RPRD1A: variants seen among roughly 807,000 people sequenced by gnomAD.
The protein encoded by RPRD1A is regulation of nuclear pre-mRNA domain containing 1A, also known as regulation of nuclear pre-mRNA domain-containing protein 1A.
A neutral mutation model predicts 37.8 loss-of-function variants in RPRD1A; 9 were observed. The observed-to-expected ratio is 0.24, with a 90% CI of 0.14 to 0.42. The LOEUF is 0.42. RPRD1A is among the 10% of genes least tolerant of loss of function. RPRD1A has a pLI of 1.00. For missense variants in RPRD1A, 255 were observed against 371.0 expected (o/e 0.69, Z 2.57); for synonymous variants, 138 against 139.7 (o/e 0.99, Z 0.08).
At chr18:36,020,829 G>A (rs1020157881) in intron 6 of RPRD1A, among the ~76,000 whole-genome samples, 1 of 151,206 alleles carries the variant, frequency 6.6e-6, no homozygotes, top group Non-Finnish European at 1.5e-5. Flanking sequence ...AAAAAAAAAA[G>A]TAACAGAGAA....
chr18:36,023,654 T>C (rs1436004335), intron 6 of RPRD1A, among the ~76,000 whole-genome samples: 1 of 152,208 alleles, frequency 6.6e-6, no homozygotes, highest in Non-Finnish European at 1.5e-5. Flanking sequence ...AGTCAACTGA[T>C]GCAGCAAACT....
At chr18:35,997,796 G>C (rs1022062423) in intron 6 of RPRD1A, among the ~76,000 whole-genome samples, 1 of 152,066 alleles carries the variant, frequency 6.6e-6, no homozygotes, top group Non-Finnish European at 1.5e-5. Context: ...GTACCCATCC[G>C]TGTAACCAAC....
At chr18:36,037,355 A>C (rs1256051562) in intron 1 of RPRD1A, among the ~76,000 whole-genome samples, 1 of 152,146 alleles carries the variant, frequency 6.6e-6, no homozygotes, top group Non-Finnish European at 1.5e-5. Context: ...GGTTTCATAA[A>C]GAGCTTTCCC....
intron 1 of RPRD1A, among the ~76,000 whole-genome samples, chr18:36,062,323 CAAAAAAAAAAA>C (rs752980996): frequency 4.2e-4 from 17 of 40,632 alleles, no homozygotes; most frequent in Admixed American, 1.1e-3. Flanking sequence ...GACTCCGTCT[CAAAAAAAAAAA>C]AAAAAAAAAA....
chr18:36,052,091 A>G (rs1245176352), intron 1 of RPRD1A, among the ~76,000 whole-genome samples: 4 of 151,940 alleles, frequency 2.6e-5, no homozygotes, highest in African/African-American at 9.7e-5. Context: ...GTAAGATTAA[A>G]ACCCAATTTC....
At chr18:36,053,209 T>G (rs1200948854) in intron 1 of RPRD1A, among the ~76,000 whole-genome samples, 3 of 152,164 alleles carry the variant, frequency 2.0e-5, no homozygotes, top group Admixed American at 2.0e-4. Flanking sequence ...ATTTAACCAC[T>G]TTAAAGCATA....
chr18:36,014,175 T>C (rs1254917149), intron 6 of RPRD1A, among the ~76,000 whole-genome samples: 1 of 152,168 alleles, frequency 6.6e-6, no homozygotes, highest in East Asian at 1.9e-4. Context: ...GTGTCATAAA[T>C]ATTAAAAATA....
At chr18:36,000,668 A>G (rs115509443) in intron 6 of RPRD1A, among the ~76,000 whole-genome samples, 1,781 of 152,286 alleles carry the variant, frequency 0.012, 43 homozygotes, top group African/African-American at 0.04. Flanking sequence ...TCTGCTTACT[A>G]TATGCCAAAC....
At chr18:36,017,381 T>C (rs540607940) in intron 6 of RPRD1A, among the ~76,000 whole-genome samples, 12 of 152,264 alleles carry the variant, frequency 7.9e-5, no homozygotes, top group African/African-American at 2.4e-4. Context: ...TCTAATTAAG[T>C]TGCATCTGGT....
At chr18:36,037,578 G>A (rs1296719513) in intron 1 of RPRD1A, among the ~76,000 whole-genome samples, 4 of 152,224 alleles carry the variant, frequency 2.6e-5, no homozygotes, top group African/African-American at 9.6e-5. Context: ...AAGTAGTGGG[G>A]CACTGCTGTA....
At chr18:36,020,440 C>CT (rs1466676024) in intron 6 of RPRD1A, among the ~76,000 whole-genome samples, 3 of 152,090 alleles carry the variant, frequency 2.0e-5, no homozygotes, top group Admixed American at 2.0e-4. Context: ...GGACAGAAGG[C>CT]TTATAGATAA....
At chr18:36,009,401 CAA>C (rs1910028088) in intron 6 of RPRD1A, among the ~76,000 whole-genome samples, 3 of 152,312 alleles carry the variant, frequency 2.0e-5, no homozygotes, top group East Asian at 1.9e-4. Flanking sequence ...CATTCCACTG[CAA>C]TGGAGTCACT....
At chr18:36,037,285 T>G (rs1912258695) in intron 1 of RPRD1A, among the ~76,000 whole-genome samples, 1 of 152,074 alleles carries the variant, frequency 6.6e-6, no homozygotes, top group Non-Finnish European at 1.5e-5. Context: ...TAACTGATCA[T>G]GGGGGCAGCT....
At chr18:36,052,158 GA>G (rs58995301) in intron 1 of RPRD1A, among the ~76,000 whole-genome samples, 1 of 143,824 alleles carries the variant, frequency 7.0e-6, no homozygotes, top group African/African-American at 2.6e-5. Flanking sequence ...CATCCTAACA[GA>G]AAAAAAAAAA....
intron 6 of RPRD1A, among the ~76,000 whole-genome samples, chr18:35,998,517 T>C (rs1909229813): frequency 6.6e-6 from 1 of 152,174 alleles, no homozygotes; most frequent in South Asian, 2.1e-4. Flanking sequence ...AAGGCCCACC[T>C]TTCTGTCCTT....
chr18:36,017,052 T>A (rs1328051560), intron 6 of RPRD1A, among the ~76,000 whole-genome samples: 2 of 151,240 alleles, frequency 1.3e-5, no homozygotes, highest in Non-Finnish European at 2.9e-5. Flanking sequence ...ACACCTGTAA[T>A]CCCAACACTC....
At chr18:36,066,708 A>G (rs1270164542) in intron 1 of RPRD1A, among the ~76,000 whole-genome samples, 1 of 152,248 alleles carries the variant, frequency 6.6e-6, no homozygotes, top group Non-Finnish European at 1.5e-5. Flanking sequence ...GGCATCTGCA[A>G]CGCAGAAGTT....
chr18:36,031,319 C>T (rs1440484310), intron 2 of RPRD1A, among the ~76,000 whole-genome samples: 1 of 151,784 alleles, frequency 6.6e-6, no homozygotes, highest in East Asian at 1.9e-4. Flanking sequence ...TATTATTACA[C>T]AACCAAAAAA....
intron 2 of RPRD1A, among the ~76,000 whole-genome samples, chr18:36,033,299 C>CAAAAAAAA (rs71166085): frequency 2.6e-5 from 2 of 75,940 alleles, no homozygotes; most frequent in African/African-American, 5.8e-5. Flanking sequence ...GACTCTGTCT[C>CAAAAAAAA]AAAAAAAAAA....
Sources: allele counts gnomAD v4.1 joint callset (sites outside exome capture counted in the v4.1 genomes callset), GRCh38; gene constraint gnomAD v4.1.1; transcripts MANE v1.5; gene names NCBI Gene and HGNC (gene_info 2026-07-23, HGNC 2026-07-21).